ZNF385D: variants seen among roughly 807,000 people sequenced by gnomAD.
ZNF385D encodes the protein zinc finger protein 385D, also known as zinc finger protein 659.
In ZNF385D, 15 loss-of-function variants were observed where a neutral mutation model predicts 35.8. That is an observed-to-expected ratio of 0.42 (90% CI 0.28 to 0.64). The LOEUF (loss-of-function observed/expected upper bound fraction) is 0.64, where lower values mean the gene tolerates loss of function less well. Ranked by LOEUF, ZNF385D falls within the 30% of genes least tolerant of loss-of-function variation. The pLI is 0.23. For missense variants in ZNF385D, 474 were observed against 494.6 expected, an observed-to-expected ratio of 0.96 and a Z score of 0.39; for synonymous variants, 212 against 186.8, an observed-to-expected ratio of 1.13 and a Z score of -1.10.
At chr3:21,933,373 T>C (rs1302781822) in intron 3 of ZNF385D, among the ~76,000 whole-genome samples, 3 of 152,206 alleles carry the variant, frequency 2.0e-5, no homozygotes, top group Admixed American at 1.3e-4. Flanking sequence ...CCTTAGTCTG[T>C]GGTACATTTG....
intron 3 of ZNF385D, among the ~76,000 whole-genome samples, chr3:21,758,397 G>C (rs1036447208): frequency 3.9e-5 from 6 of 152,170 alleles, no homozygotes; most frequent in Non-Finnish European, 8.8e-5. Flanking sequence ...TCTTGTTGTG[G>C]AAGGAGACAA....
At position 21,465,194 on chromosome 3, in the gene ZNF385D, A is replaced by G. The variant is rs922538899; in HGVS notation, c.440-27991T>C. Among the ~76,000 whole-genome samples the G allele has an allele frequency of 5.9e-5, 9 of 152,194 alleles. No individual in the cohort carries two copies. Among genetic ancestry groups the G allele is most frequent in the African/African-American group, 2.2e-4 (9 of 41,448 alleles). On this transcript the variant is annotated intron_variant, in intron 4 of 7. Transcript: ENST00000281523. The surrounding 1 kb of genome is among the most constrained non-coding windows in gnomAD (Gnocchi z 4.2). ...GCCCTTGAACACAGTGAAAATTTAC[A>G]TATTTTCACTTTTATTTTCACATAG... is the stretch of plus-strand genomic sequence containing the variant.
chr3:22,314,192 G>C (rs970986348), intron 2 of ZNF385D, among the ~76,000 whole-genome samples: 3 of 152,106 alleles, frequency 2.0e-5, no homozygotes, highest in Non-Finnish European at 2.9e-5. Context: ...CTTTGATGGT[G>C]ATTTGTGAGA....
chr3:22,278,170 G>A lies in ZNF385D; in HGVS notation c.106+94280C>T, dbSNP rs542812555. Among the ~76,000 whole-genome samples, 3 of 152,154 alleles carry A rather than the reference G, an allele frequency of 2.0e-5. No homozygotes were observed. The South Asian group carries it at 6.2e-4, about 32-fold the overall frequency. Reference sequence around the variant, plus strand: ...CCAACATGGCCTACAACAGTATCAAGAAGAGAGGCATTTAATACGTTAAGT... The same window carrying A: ...CCAACATGGCCTACAACAGTATCAAAAAGAGAGGCATTTAATACGTTAAGT... On this transcript the variant is annotated intron_variant, in intron 2 of 5. Coordinates refer to the ZNF385D transcript ENST00000494108.
intron 2 of ZNF385D, among the ~76,000 whole-genome samples, chr3:22,277,228 C>T (rs1172372248): frequency 2.0e-5 from 3 of 152,096 alleles, no homozygotes; most frequent in Admixed American, 6.6e-5. Flanking sequence ...AGAAGCAGAG[C>T]TGTGGGTTCA....
At chr3:21,867,384 C>T (rs1697426522) in intron 3 of ZNF385D, among the ~76,000 whole-genome samples, 1 of 152,078 alleles carries the variant, frequency 6.6e-6, no homozygotes, top group African/African-American at 2.4e-5. Context: ...GGACTCAGGC[C>T]TCACCTCTCC....
chr3:21,900,131 T>G (rs937715950), intron 3 of ZNF385D, among the ~76,000 whole-genome samples: 5 of 152,120 alleles, frequency 3.3e-5, no homozygotes, highest in African/African-American at 1.2e-4. Context: ...CTAACAAAAA[T>G]CAAAGATATG....
intron 2 of ZNF385D, among the ~76,000 whole-genome samples, chr3:22,322,540 A>G (rs1332412970): frequency 6.6e-6 from 1 of 152,178 alleles, no homozygotes; most frequent in Non-Finnish European, 1.5e-5. Flanking sequence ...AGTCTATCCC[A>G]ATCTTTTCTC....
chr3:22,151,357 T>G (rs1337159451), intron 3 of ZNF385D, among the ~76,000 whole-genome samples: 1 of 152,114 alleles, frequency 6.6e-6, no homozygotes, highest in Non-Finnish European at 1.5e-5. Flanking sequence ...AAGAGTATTA[T>G]GTTATTAAAT....
Position 21,663,904 on chromosome 3 carries a change from TATATATA to T in ZNF385D, c.165+975_165+981del, listed in dbSNP as rs1404372777. On this transcript the variant is annotated intron_variant, in intron 2 of 7. Transcript: ENST00000281523. ...ATTGTGGGCCGAATATATATATATATATATATATATATATTTATTTATTTAAATCCAT... is the reference window on the plus strand; with the variant it reads ...ATTGTGGGCCGAATATATATATATATTATATATTTATTTATTTAAATCCAT... 2.3e-3 allele frequency among the ~76,000 whole-genome samples: 274 copies of T among 121,314 alleles called. 8 individuals carry two copies. The highest frequency in any genetic ancestry group is 8.1e-3 in the African/African-American group (260 of 32,158). The allele number at this position is 121,314 out of a possible 152,430, so 79.6% of individuals were successfully genotyped here.
chr3:22,160,070 C>A (rs1449257147), intron 3 of ZNF385D, among the ~76,000 whole-genome samples: 1 of 152,018 alleles, frequency 6.6e-6, no homozygotes, highest in Non-Finnish European at 1.5e-5. Context: ...CTCCTTCCTG[C>A]CACCTTGTGA....
At chr3:22,169,155 C>T (rs1234905900) in intron 2 of ZNF385D, 5 of 276,342 alleles carry the variant, frequency 1.8e-5, no homozygotes, top group Non-Finnish European at 2.2e-5. Context: ...TTTCTATGTA[C>T]TCTCATTTTA....
rs970778917 is a variant in ZNF385D, at chr3:21,418,233, G to C, written c.*2981C>G. 2 of 152,070 alleles carry C rather than the reference G, an allele frequency of 1.3e-5. No homozygotes were observed. The highest frequency in any genetic ancestry group is 2.9e-5 in the Non-Finnish European group (2 of 67,972). The allele number at this position is 152,070 out of a possible 1,614,324, so 9.4% of individuals were successfully genotyped here. The stretch of plus-strand genomic sequence containing the variant: ...ATGGGAAGGAATGTAAAACCATAAA[G>C]TCAGACCACCCTCAGGGATTTTCAC... On this transcript the variant is annotated 3_prime_UTR_variant, in exon 8 of 8. Transcript: ENST00000281523.
At position 22,194,509 on chromosome 3, in the gene ZNF385D, ACTG is replaced by A. The variant is rs1487845295; in HGVS notation, c.107-25477_107-25475del. Among the ~76,000 whole-genome samples, 3 of 151,926 alleles carry A rather than the reference ACTG, an allele frequency of 2.0e-5. No individual in the cohort carries two copies. In the East Asian group the frequency reaches 5.8e-4, roughly 29 times the overall value. The stretch of plus-strand genomic sequence containing the variant: ...CATTTATATCTTTCTTCTTTAATCC[ACTG>A]CTTTTAGTTTTCAGTTTGCAGTAAA... On this transcript the variant is annotated intron_variant, in intron 2 of 5. Coordinates refer to the ZNF385D transcript ENST00000494108.
At chr3:21,953,272 T>TC (rs1559786774) in intron 3 of ZNF385D, among the ~76,000 whole-genome samples, 39 of 151,982 alleles carry the variant, frequency 2.6e-4, no homozygotes, top group Non-Finnish European at 2.9e-5. Flanking sequence ...CTTTTTTTTT[T>TC]TTCCTCTAAA....
At chr3:21,435,303 G>A (rs1275410320) in intron 5 of ZNF385D, among the ~76,000 whole-genome samples, 1 of 140,946 alleles carries the variant, frequency 7.1e-6, no homozygotes, top group East Asian at 2.2e-4. Flanking sequence ...TGTCAGCCAG[G>A]CTGGAGTGCA....
At chr3:21,507,510 A>G (rs1478134051) in intron 4 of ZNF385D, among the ~76,000 whole-genome samples, 1 of 152,148 alleles carries the variant, frequency 6.6e-6, no homozygotes, top group Non-Finnish European at 1.5e-5. Context: ...TTTTCTTTTT[A>G]TTATTAAAAA....
At chr3:21,593,705 T>G (rs1170562932) in intron 2 of ZNF385D, among the ~76,000 whole-genome samples, 1 of 151,950 alleles carries the variant, frequency 6.6e-6, no homozygotes, top group African/African-American at 2.4e-5. Context: ...AGATATATAT[T>G]ATAGACTTTT....
At chr3:22,125,268 G>T (rs1333217736) in intron 3 of ZNF385D, among the ~76,000 whole-genome samples, 1 of 152,022 alleles carries the variant, frequency 6.6e-6, no homozygotes, top group South Asian at 2.1e-4. Flanking sequence ...TCTTTCACTA[G>T]TGTATGCATC....
Sources: allele counts gnomAD v4.1 joint callset (sites outside exome capture counted in the v4.1 genomes callset), GRCh38; gene constraint gnomAD v4.1.1; non-coding constraint Gnocchi (gnomAD v3.1); transcripts MANE v1.5; gene names NCBI Gene and HGNC (gene_info 2026-07-23, HGNC 2026-07-21).